Variants in LRRC45 observed in about 807,000 individuals in gnomAD.
The protein encoded by LRRC45 is leucine rich repeat containing 45.
Under a neutral mutation model 85.4 loss-of-function variants are expected in LRRC45, and 73 were observed. That is an observed-to-expected ratio of 0.85 (90% confidence interval 0.71 to 1.04). LRRC45 has a LOEUF of 1.04. Among genes scored for constraint, LRRC45 ranks in the 50% least tolerant of loss-of-function variants. The probability of loss-of-function intolerance (pLI) is 0.00; values close to 1 mark genes in which losing one functional copy is unlikely to be tolerated. For synonymous variants in LRRC45, 429 were observed against 386.0 expected (o/e 1.11, Z -1.31); for missense variants, 937 against 883.3 (o/e 1.06, Z -0.77).
chr17:82,024,624 T>C, intron 2 of LRRC45, 69 bp from the exon 3 acceptor site: 1 of 1,500,404 alleles, frequency 6.7e-7, no homozygotes, highest in Non-Finnish European at 9.0e-7. Flanking sequence ...ACCAAGGCCC[T>C]TGGGGCATGG....
chr17:82,029,945 G>A (rs969706033), intron 14 of LRRC45, 120 bp from the exon 15 acceptor site: 7 of 1,289,556 alleles, frequency 5.4e-6, no homozygotes, highest in African/African-American at 1.5e-5. Flanking sequence ...AGCGGGTTCA[G>A]AGTCATAGTA....
intron 14 of LRRC45, 23 bp downstream of exon 14, chr17:82,029,658 C>T (rs1210002982): frequency 1.3e-6 from 2 of 1,551,530 alleles, no homozygotes; most frequent in Non-Finnish European, 8.7e-7. Context: ...TGTCCGCCAC[C>T]CTCCGGGGGA....
intron 14 of LRRC45, among the ~76,000 whole-genome samples, 199 bp from the exon 15 acceptor site, chr17:82,029,866 G>A (rs1388335560): frequency 2.0e-5 from 3 of 152,242 alleles, no homozygotes; most frequent in African/African-American, 7.2e-5. Context: ...GGATGGATGG[G>A]AGGGGTGGTG....
chr17:82,028,811 C>A, intron 12 of LRRC45, 128 bp downstream of exon 12: 1 of 1,103,866 alleles, frequency 9.1e-7, no homozygotes, highest in Non-Finnish European at 1.3e-6. Flanking sequence ...CGTATTTTGC[C>A]AGCCTGAGCG....
chr17:82,029,460 CTG>C, intron 13 of LRRC45, 81 bp from the exon 14 acceptor site: 1 of 1,436,518 alleles, frequency 7.0e-7, no homozygotes, highest in African/African-American at 1.4e-5. Flanking sequence ...GCCCCCCTGG[CTG>C]GGGTTGGCTG....
rs1323430100 is a variant in LRRC45 at position 82,024,689 on chromosome 17, C to A, written c.283-4C>A. The A allele has an allele frequency of 3.8e-6, 6 of 1,571,552 alleles. No individual in the cohort carries two copies. The South Asian group carries it at 4.7e-5, about 12-fold the overall frequency. ...GAGTGACTACCGGCCTGTTTCTCTCCTAGGGCAACAACCTTCGGGCTGCAG... is the reference window on the plus strand; with the variant it reads ...GAGTGACTACCGGCCTGTTTCTCTCATAGGGCAACAACCTTCGGGCTGCAG... On this transcript the variant is annotated splice_polypyrimidine_tract_variant and splice_region_variant and intron_variant, in intron 2 of 16. Coordinates refer to ENST00000306688, the MANE Select transcript of LRRC45 (RefSeq NM_144999.4).
intron 8 of LRRC45, 42 bp from the exon 9 acceptor site, chr17:82,027,969 A>G (rs2043383368): frequency 6.4e-7 from 1 of 1,563,554 alleles, no homozygotes; most frequent in Admixed American, 1.8e-5. Flanking sequence ...AAGGCAAGTG[A>G]AACTCCAACC....
intron 4 of LRRC45, 53 bp downstream of exon 4, chr17:82,025,231 G>A: frequency 6.5e-7 from 1 of 1,541,672 alleles, no homozygotes; most frequent in Non-Finnish European, 8.8e-7. Flanking sequence ...GGCTGCCTCT[G>A]CTCTGGGAAG....
intron 12 of LRRC45, 23 bp from the exon 13 acceptor site, chr17:82,029,070 C>G (rs1480830204): frequency 6.2e-7 from 1 of 1,607,374 alleles, no homozygotes; most frequent in Non-Finnish European, 8.5e-7. Context: ...CACTCTGGCC[C>G]CACAATCCCT....
chr17:82,023,731 CT>C lies in LRRC45; in HGVS notation c.90del (p.Arg32GlyfsTer11), dbSNP rs2043336547. On this transcript the variant is annotated frameshift_variant, in exon 1 of 17. Transcript: ENST00000306688. LOFTEE classifies it high-confidence loss of function. ...GGCTGTCCTGCAGCAGCTGCACCAG[CT>C]TCCCAGGGGCCGGCTGGACCTGGCC... ...QEAVLQQLHQ[L>X]PRGRLDLATQ... The C allele has an allele frequency of 1.5e-5, 23 of 1,550,934 alleles. No homozygotes were observed. Among genetic ancestry groups the C allele is most frequent in the Non-Finnish European group, 2.0e-5 (23 of 1,152,224 alleles).
intron 1 of LRRC45, 172 bp downstream of exon 1, chr17:82,024,035 G>A (rs967527118): frequency 1.4e-6 from 1 of 719,100 alleles, no homozygotes; most frequent in Non-Finnish European, 2.3e-6. Context: ...CTGTATGACG[G>A]GGGAGAGGCC....
At position 82,030,735 on chromosome 17, in the gene LRRC45, G is replaced by C; in HGVS notation, c.1943G>C (p.Ser648Thr). The C allele has an allele frequency of 6.7e-7, 1 of 1,489,368 alleles. No individual in the cohort carries two copies. 92.3% of individuals were successfully genotyped at this position (1,489,368 alleles called of 1,614,324 possible). Residue 648 changes from serine (S) to threonine (T), a missense_variant, in exon 17 of 17, where the codon AGC (serine) becomes ACC (threonine). Physicochemically the swap from Ser to Thr is moderately conservative, Grantham distance 58. Coordinates refer to ENST00000306688, the MANE Select transcript of LRRC45 (RefSeq NM_144999.4). ...CGGGACGAGGAGGCCCAGAGGGCGA[G>C]CTTCCTGCAGAACGCCGTCCTGGCT... ...RIRDEEAQRASFLQNAVLAYV... is the reference protein window; with the variant it reads ...RIRDEEAQRATFLQNAVLAYV...
rs1322144711 is a variant in LRRC45 at position 82,023,326 on chromosome 17, C to T, written c.-318C>T. 6.5e-6 allele frequency: 3 copies of T among 463,006 alleles called. No homozygotes were observed. In the East Asian group the frequency reaches 1.2e-4, roughly 18 times the overall value. The allele number at this position is 463,006 out of a possible 1,614,324, so 28.7% of individuals were successfully genotyped here. ...CCTTGTTCTTCCTGGATACTGAGGC[C>T]CCGACGCGGCTGTCGCGAGGGCGGG... On this transcript the variant is annotated 5_prime_UTR_variant, in exon 1 of 17. Transcript: ENST00000306688.
Position 82,025,430 on chromosome 17 carries a change from G to C in LRRC45, c.584G>C (p.Cys195Ser). The C allele has an allele frequency of 6.2e-7, 1 of 1,608,228 alleles. No individual in the cohort carries two copies. Among genetic ancestry groups the C allele is most frequent in the Non-Finnish European group, 8.5e-7 (1 of 1,177,468 alleles). The change falls in exon 5 of 17, where the codon TGT becomes TCT. Residue 195 changes from cysteine to serine, a missense_variant. Cys to Ser is a moderately radical substitution (Grantham distance 112, BLOSUM62 -1). Transcript: ENST00000306688. ...CTGGGGGGCCGGGCCCTCATGAACT[G>C]TCTCCCCAGCAACAGAACCCTGTGG... is the stretch of plus-strand genomic sequence containing the variant. ...GLLGGRALMN[C>S]LPSNRTLWRL... is the part of the protein sequence containing the mutation.
rs186374166 is a variant in LRRC45, at chr17:82,025,354, C to T, written c.533-25C>T. ...TCCCCCTCTGCCAGGTGCATTCTGT[C>T]TGGTGACTACAGGTTTCCTTCCAGA... is the stretch of plus-strand genomic sequence containing the variant. On this transcript the variant is annotated intron_variant, in intron 4 of 16. Coordinates refer to ENST00000306688, the MANE Select transcript of LRRC45 (RefSeq NM_144999.4). 71 of 1,552,460 alleles carry T rather than the reference C, an allele frequency of 4.6e-5. No individual in the cohort carries two copies. In the African/African-American group the frequency reaches 8.7e-4, roughly 19 times the overall value.
At chr17:82,030,501 G>T in intron 16 of LRRC45, 35 bp downstream of exon 16, 1 of 1,531,534 alleles carries the variant, frequency 6.5e-7, no homozygotes, top group Non-Finnish European at 8.8e-7. Flanking sequence ...CCGCCCACTG[G>T]TGGGACGTGA....
chr17:82,025,070 G>T lies in LRRC45; in HGVS notation c.424G>T (p.Ala142Ser). 1 of 1,609,498 alleles carries T rather than the reference G, an allele frequency of 6.2e-7. No individual in the cohort carries two copies. The highest frequency in any genetic ancestry group is 8.5e-7 in the Non-Finnish European group (1 of 1,178,446). ...CGCCACCTTCTGCGGGGGCCTGGCG[G>T]CCAACGGCGCCCTGCAGCGGCTGGA... The part of the protein sequence containing the change: ...AFATFCGGLA[A>S]NGALQRLDLR... The change falls in exon 4 of 17, where the codon GCC becomes TCC. Residue 142 changes from alanine (A) to serine (S), a missense_variant. Coordinates refer to ENST00000306688, the MANE Select transcript of LRRC45 (RefSeq NM_144999.4).
Position 82,028,508 on chromosome 17 carries a change from G to A in LRRC45, c.1237G>A (p.Glu413Lys). The change falls in exon 11 of 17, where the codon GAG (glutamate) becomes AAG (lysine). Residue 413 changes from glutamate to lysine, a missense_variant and splice_region_variant. Glu to Lys is a moderately conservative substitution (Grantham distance 56). Coordinates refer to ENST00000306688, the MANE Select transcript of LRRC45 (RefSeq NM_144999.4). ...GAAGATGCGGGCCATCCAGGCCGAG[G>A]GTGGGCACGGGCAGGCCTGCTGTGG... ...ELKMRAIQAE[E>K]RLDMEKRRCR... 5.0e-6 allele frequency: 8 copies of A among 1,612,308 alleles called. No homozygotes were observed. Among genetic ancestry groups the A allele is most frequent in the Non-Finnish European group, 6.8e-6 (8 of 1,179,748 alleles).
intron 16 of LRRC45, 63 bp from the exon 17 acceptor site, chr17:82,030,546 G>T (rs1410751759): frequency 5.4e-6 from 8 of 1,490,312 alleles, no homozygotes; most frequent in Non-Finnish European, 7.1e-6. Context: ...CAGGTCTCCC[G>T]TGCTGAGGCC....
Sources: allele counts gnomAD v4.1 joint callset (sites outside exome capture counted in the v4.1 genomes callset), GRCh38; gene constraint gnomAD v4.1.1; transcripts MANE v1.5; gene names NCBI Gene and HGNC (gene_info 2026-07-23, HGNC 2026-07-21).